Variants in COLEC12 observed in about 807,000 individuals in gnomAD.
The protein encoded by COLEC12 is collectin-12.
COLEC12 carries 33 observed loss-of-function variants against 71.1 expected under a neutral mutation model. The ratio of observed to expected loss-of-function variants is 0.46; its 90% confidence interval spans 0.35 to 0.62. The LOEUF (loss-of-function observed/expected upper bound fraction) is 0.62. Among genes scored for constraint, COLEC12 ranks in the 20% least tolerant of loss-of-function variants. The pLI, the probability that COLEC12 is intolerant of heterozygous loss-of-function variation, is 0.00. For synonymous variants in COLEC12, 350 were observed against 353.0 expected, an observed-to-expected ratio of 0.99 and a Z score of 0.10; for missense variants, 765 against 916.1, an observed-to-expected ratio of 0.84 and a Z score of 2.13.
intron 2 of COLEC12, among the ~76,000 whole-genome samples, chr18:418,696 G>A (rs936936987): frequency 9.2e-5 from 14 of 152,154 alleles, no homozygotes; most frequent in African/African-American, 2.7e-4. Flanking sequence ...TCCCACCAGC[G>A]CCATGACAGT....
chr18:392,043 A>C (rs1164604098), intron 2 of COLEC12, among the ~76,000 whole-genome samples: 4 of 152,370 alleles, frequency 2.6e-5, no homozygotes, highest in Middle Eastern at 3.4e-3. Flanking sequence ...GATTGTCTCT[A>C]CTAGCCAGTG....
intron 2 of COLEC12, among the ~76,000 whole-genome samples, chr18:369,807 A>G (rs1216890325): frequency 6.6e-6 from 1 of 152,184 alleles, no homozygotes; most frequent in Non-Finnish European, 1.5e-5. Flanking sequence ...CTGAACGTGC[A>G]CTTCCTTCTC....
intron 2 of COLEC12, among the ~76,000 whole-genome samples, chr18:403,440 C>T (rs1413560181): frequency 2.6e-5 from 4 of 152,124 alleles, no homozygotes; most frequent in Non-Finnish European, 5.9e-5. Flanking sequence ...GCAGCAGCAC[C>T]CATTTGCTCC....
rs58349557 is a variant in COLEC12 at position 388,989 on chromosome 18, C to T, written c.59-31467G>A. On this transcript the variant is annotated intron_variant, in intron 2 of 9. Transcript: ENST00000400256. Reference sequence around the variant, plus strand: ...CACTCCCTCTCCTGTGGAGTGTCTACATCAGGTGTGGGAAGGAAAGCAGCC... The same window carrying T: ...CACTCCCTCTCCTGTGGAGTGTCTATATCAGGTGTGGGAAGGAAAGCAGCC... Among the ~76,000 whole-genome samples, 1,384 of 152,188 alleles carry T rather than the reference C, an allele frequency of 9.1e-3. 22 individuals carry two copies. The highest frequency in any genetic ancestry group is 0.031 in the African/African-American group (1,286 of 41,492).
chr18:336,273 G>C (rs1425157183), intron 5 of COLEC12, among the ~76,000 whole-genome samples: 2 of 152,146 alleles, frequency 1.3e-5, no homozygotes, highest in Admixed American at 1.3e-4. Context: ...GGAGGTCTCT[G>C]TGGGAAAGCC....
At position 346,330 on chromosome 18, in the gene COLEC12, T is replaced by A; in HGVS notation, c.1292A>T (p.His431Leu). 6.2e-7 allele frequency: 1 copy of A among 1,613,768 alleles called. No homozygotes were observed. Among genetic ancestry groups the A allele is most frequent in the Non-Finnish European group, 8.5e-7 (1 of 1,179,890 alleles). Residue 431 changes from histidine (H) to leucine (L), a missense_variant, in exon 5 of 10, where the codon CAT (histidine) becomes CTT (leucine). His to Leu is a moderately conservative substitution (Grantham distance 99, BLOSUM62 -3). Transcript: ENST00000400256. This position sits in a 1 kb window ranked among gnomAD's most constrained non-coding sequence, Gnocchi z 4.0. ...TGTAAAATTCTTGATGAGCTGACCATGCTTGGAGTCTACTAGCTTCATTTC... is the reference window on the plus strand; with the variant it reads ...TGTAAAATTCTTGATGAGCTGACCAAGCTTGGAGTCTACTAGCTTCATTTC... ...MEEMKLVDSKHGQLIKNFTIL... is the reference protein window; with the variant it reads ...MEEMKLVDSKLGQLIKNFTIL...
At chr18:367,870 C>T (rs1439410346) in intron 2 of COLEC12, among the ~76,000 whole-genome samples, 1 of 152,080 alleles carries the variant, frequency 6.6e-6, no homozygotes, top group African/African-American at 2.4e-5. Context: ...CAAGAGGATC[C>T]CTGAGGCCAC....
intron 2 of COLEC12, among the ~76,000 whole-genome samples, chr18:431,705 AG>A (rs1262104088): frequency 6.6e-6 from 1 of 152,226 alleles, no homozygotes; most frequent in African/African-American, 2.4e-5. Context: ...AAACTGGGCC[AG>A]TGCCTAGGAG....
intron 2 of COLEC12, among the ~76,000 whole-genome samples, chr18:444,402 G>A (rs1351583265): frequency 1.3e-5 from 2 of 152,066 alleles, no homozygotes; most frequent in African/African-American, 4.8e-5. Flanking sequence ...AAAATGCTGT[G>A]GCAGGTAAAA....
chr18:385,730 T>C (rs1915331480), intron 2 of COLEC12, among the ~76,000 whole-genome samples: 9 of 152,166 alleles, frequency 5.9e-5, no homozygotes, highest in Admixed American at 5.9e-4. Flanking sequence ...ATGGAATGTT[T>C]CCCCATAGAG....
At chr18:345,285 C>A (rs754732339) in intron 5 of COLEC12, among the ~76,000 whole-genome samples, 1 of 152,204 alleles carries the variant, frequency 6.6e-6, no homozygotes, top group Non-Finnish European at 1.5e-5. Flanking sequence ...TGCTACAATT[C>A]TTCAACTGTG....
In COLEC12 at chr18:346,757, G is replaced by A. The variant is rs939320542; in HGVS notation, c.865C>T (p.Gln289Ter). The A allele has an allele frequency of 6.2e-7, 1 of 1,614,100 alleles. No homozygotes were observed. Among genetic ancestry groups the A allele is most frequent in the African/African-American group, 1.3e-5 (1 of 74,930 alleles). The change falls in exon 5 of 10, where the codon CAG becomes TAG. Residue 289 changes from glutamine to a stop codon, truncating the protein, a stop_gained. Transcript: ENST00000400256. LOFTEE classifies it high-confidence loss of function. This position sits in a 1 kb window ranked among gnomAD's most constrained non-coding sequence, Gnocchi z 4.0. ...ATCTGACCTGTGAATGAGTTGAGCT[G>A]GCTGTTCATATCCTCCAGGGTGTCG... ...NNDTLEDMNS[Q>*]LNSFTGQMEN...
At chr18:391,499 G>T (rs554146764) in intron 2 of COLEC12, among the ~76,000 whole-genome samples, 1 of 152,104 alleles carries the variant, frequency 6.6e-6, no homozygotes, top group Admixed American at 6.5e-5. Context: ...ATAAATTGGG[G>T]GTTTTTGTTG....
intron 2 of COLEC12, among the ~76,000 whole-genome samples, chr18:363,929 C>T (rs530783863): frequency 3.9e-5 from 6 of 152,078 alleles, no homozygotes; most frequent in Admixed American, 6.5e-5. Flanking sequence ...GGAAGCAGGA[C>T]AAGAATTGGA....
At chr18:440,380 C>CACAT (rs1555620158) in intron 2 of COLEC12, among the ~76,000 whole-genome samples, 5 of 54,636 alleles carry the variant, frequency 9.2e-5, no homozygotes, top group African/African-American at 1.4e-4. Context: ...CACACACATA[C>CACAT]ACACACACAC....
chr18:347,437 A>G, intron 4 of COLEC12, 96 bp from the exon 5 acceptor site: 1 of 998,166 alleles, frequency 1.0e-6, no homozygotes, highest in Non-Finnish European at 1.5e-6. Context: ...TATGCACTGT[A>G]TTTTAGATGC....
chr18:380,734 G>T (rs1915213574), intron 2 of COLEC12, among the ~76,000 whole-genome samples: 1 of 152,178 alleles, frequency 6.6e-6, no homozygotes, highest in African/African-American at 2.4e-5. Flanking sequence ...AAAGAAGTGA[G>T]CTGTACATCA....
At chr18:471,264 G>C (rs1222013390) in intron 2 of COLEC12, among the ~76,000 whole-genome samples, 1 of 109,196 alleles carries the variant, frequency 9.2e-6, no homozygotes, top group African/African-American at 3.6e-5. Context: ...ACTCAGACCA[G>C]GAGACCAATT....
intron 2 of COLEC12, among the ~76,000 whole-genome samples, chr18:387,380 C>G (rs1567892612): frequency 1.3e-5 from 2 of 152,100 alleles, no homozygotes; most frequent in South Asian, 4.1e-4. Context: ...CTCTACTAGC[C>G]TTTTCCCTTT....
Sources: gnomAD v4.1 joint callset for allele counts (sites outside exome capture counted in the v4.1 genomes callset) on GRCh38, gnomAD v4.1.1 for gene constraint, Gnocchi (gnomAD v3.1) non-coding constraint, MANE v1.5 for transcripts, NCBI Gene and HGNC (gene_info 2026-07-23, HGNC 2026-07-21) for gene names.